TIAM1: variants seen among roughly 807,000 people sequenced by gnomAD.
TIAM1 encodes the protein rho guanine nucleotide exchange factor TIAM1.
Under a neutral mutation model 163.5 loss-of-function variants are expected in TIAM1, and 65 were observed. The ratio of observed to expected loss-of-function variants is 0.40; its 90% CI spans 0.33 to 0.49. TIAM1 has a LOEUF of 0.49. Among genes scored for constraint, TIAM1 ranks in the 20% least tolerant of loss-of-function variants. The pLI, the probability that TIAM1 is intolerant of heterozygous loss-of-function variation, is 0.77. For missense variants in TIAM1, 1,789 were observed against 2,044.7 expected, an observed-to-expected ratio of 0.87 and a Z score of 2.41; for synonymous variants, 833 against 810.1, an observed-to-expected ratio of 1.03 and a Z score of -0.48.
chr21:31,367,866 T>C (rs1455825071), intron 2 of TIAM1, among the ~76,000 whole-genome samples: 1 of 152,208 alleles, frequency 6.6e-6, no homozygotes, highest in Non-Finnish European at 1.5e-5. Context: ...TAACTTGGAA[T>C]CACGTAATCA....
chr21:31,265,976 C>A, intron 4 of TIAM1, 34 bp downstream of exon 4: 3 of 1,601,106 alleles, frequency 1.9e-6, no homozygotes, highest in Non-Finnish European at 2.6e-6. Context: ...ATGCACCATT[C>A]CCAAAATATT....
intron 2 of TIAM1, among the ~76,000 whole-genome samples, chr21:31,337,592 T>C (rs139115346): frequency 6.6e-6 from 1 of 151,586 alleles, no homozygotes; most frequent in African/African-American, 2.4e-5. Context: ...AGTGCGGTAG[T>C]GTGATCTCAG....
chr21:31,213,610 G>A (rs1424645058), intron 9 of TIAM1, 138 bp from the exon 10 acceptor site: 1 of 713,102 alleles, frequency 1.4e-6, no homozygotes. Context: ...AAATCCCAAA[G>A]CAGGTACAAT....
Position 31,130,954 on chromosome 21 carries a change from AAAAAT to A in TIAM1, c.3884-11_3884-7del, listed in dbSNP as rs1345460762. On this transcript the variant is annotated splice_region_variant and splice_polypyrimidine_tract_variant and intron_variant, in intron 23 of 27. Transcript: ENST00000541036. Reference sequence around the variant, plus strand: ...GACCACAGCAGTTTTGAAGACTGGAAAAAATAAAATAAAGACAGTTATGGTATGTC... The same window carrying A: ...GACCACAGCAGTTTTGAAGACTGGAAAAAATAAAGACAGTTATGGTATGTC... 6.2e-6 allele frequency: 10 copies of A among 1,613,202 alleles called. No individual in the cohort carries two copies. The highest frequency in any genetic ancestry group is 3.3e-5 in the Admixed American group (2 of 60,006).
At chr21:31,387,908 C>T (rs1362684172) in intron 2 of TIAM1, among the ~76,000 whole-genome samples, 1 of 152,122 alleles carries the variant, frequency 6.6e-6, no homozygotes, top group African/African-American at 2.4e-5. Context: ...CTGGTTCCTG[C>T]TGCAAGCACG....
chr21:31,226,959 T>G (rs961140676), intron 6 of TIAM1, among the ~76,000 whole-genome samples: 58 of 147,952 alleles, frequency 3.9e-4, no homozygotes, highest in African/African-American at 2.0e-4. Flanking sequence ...TGTGTTTTTT[T>G]TTTTTTTTTT....
chr21:31,277,841 G>T (rs757868855), intron 2 of TIAM1, among the ~76,000 whole-genome samples: 2 of 152,076 alleles, frequency 1.3e-5, no homozygotes, highest in African/African-American at 2.4e-5. Flanking sequence ...CCTCTTTCCT[G>T]TAACAATATG....
At chr21:31,296,624 G>A (rs984842491) in intron 2 of TIAM1, among the ~76,000 whole-genome samples, 1 of 152,118 alleles carries the variant, frequency 6.6e-6, no homozygotes, top group Non-Finnish European at 1.5e-5. Flanking sequence ...CTTATCAGGG[G>A]AGTCCAGGGT....
intron 2 of TIAM1, among the ~76,000 whole-genome samples, chr21:31,419,510 A>G (rs533809373): frequency 3.9e-5 from 6 of 152,332 alleles, no homozygotes; most frequent in Non-Finnish European, 8.8e-5. Flanking sequence ...TGTTAATACT[A>G]GTATGTCCAG....
intron 2 of TIAM1, among the ~76,000 whole-genome samples, chr21:31,285,478 T>C (rs1471650756): frequency 6.6e-6 from 1 of 152,200 alleles, no homozygotes; most frequent in South Asian, 2.1e-4. Flanking sequence ...ACTCCCCCCA[T>C]GGACTTGCTG....
chr21:31,425,779 C>A (rs1215532409), intron 2 of TIAM1, among the ~76,000 whole-genome samples: 1 of 151,942 alleles, frequency 6.6e-6, no homozygotes, highest in African/African-American at 2.4e-5. Context: ...TCATTGCAAC[C>A]TCCGCCTCGC....
chr21:31,322,377 T>C (rs532412680), intron 2 of TIAM1, among the ~76,000 whole-genome samples: 4 of 149,128 alleles, frequency 2.7e-5, no homozygotes, highest in African/African-American at 9.9e-5. Context: ...CACAAAGGTG[T>C]ACCTGTGGAG....
At chr21:31,494,134 G>A (rs552201125) in intron 1 of TIAM1, among the ~76,000 whole-genome samples, 71 of 152,184 alleles carry the variant, frequency 4.7e-4, no homozygotes, top group African/African-American at 1.6e-3. Flanking sequence ...GGCTGGTCTC[G>A]AACTCCTGAT....
chr21:31,222,707 A>ATATAT (rs1235400142), intron 8 of TIAM1, among the ~76,000 whole-genome samples: 4 of 32,890 alleles, frequency 1.2e-4, no homozygotes, highest in Admixed American at 6.8e-4. Context: ...ATATATATAT[A>ATATAT]TTTTTTTTTT....
At chr21:31,401,754 TA>T (rs2077167927) in intron 2 of TIAM1, among the ~76,000 whole-genome samples, 1 of 150,988 alleles carries the variant, frequency 6.6e-6, no homozygotes, top group South Asian at 2.1e-4. Context: ...ACAAAAAATA[TA>T]AAAATTAGCT....
intron 2 of TIAM1, among the ~76,000 whole-genome samples, chr21:31,295,274 T>A (rs563883436): frequency 6.6e-6 from 1 of 151,952 alleles, no homozygotes; most frequent in Non-Finnish European, 1.5e-5. Context: ...ATCGAGACCA[T>A]CCCGGCTAAC....
chr21:31,127,000 G>A, intron 26 of TIAM1, 65 bp downstream of exon 26: 1 of 1,515,304 alleles, frequency 6.6e-7, no homozygotes, highest in South Asian at 1.1e-5. Flanking sequence ...CACAACGTAA[G>A]ACACCAAACC....
At chr21:31,527,380 T>G (rs989653943) in intron 1 of TIAM1, among the ~76,000 whole-genome samples, 1 of 152,154 alleles carries the variant, frequency 6.6e-6, no homozygotes, top group South Asian at 2.1e-4. Flanking sequence ...TTTAGGTGCC[T>G]CTCAACTTTG....
intron 2 of TIAM1, among the ~76,000 whole-genome samples, chr21:31,393,514 A>G (rs12627670): frequency 0.04 from 6,134 of 152,248 alleles, 362 homozygotes; most frequent in East Asian, 0.28. Flanking sequence ...ATGCAGTCAC[A>G]TCGAGCCTTA....
Sources: gnomAD v4.1 joint callset for allele counts (sites outside exome capture counted in the v4.1 genomes callset) on GRCh38, gnomAD v4.1.1 for gene constraint, MANE v1.5 for transcripts, NCBI Gene and HGNC (gene_info 2026-07-23, HGNC 2026-07-21) for gene names.